KHDRBS3: variants seen among roughly 807,000 people sequenced by gnomAD.
KHDRBS3 encodes KH RNA binding domain containing, signal transduction associated 3, also known as KH domain-containing, RNA-binding, signal transduction-associated protein 3.
KHDRBS3 carries 23 observed loss-of-function variants against 45.6 expected under a neutral mutation model. The ratio of observed to expected loss-of-function variants is 0.50; its 90% CI spans 0.36 to 0.72. The LOEUF (loss-of-function observed/expected upper bound fraction) is 0.72, where lower values mean the gene tolerates loss of function less well. KHDRBS3 is among the 30% of genes least tolerant of loss of function. The pLI, the probability that KHDRBS3 is intolerant of heterozygous loss-of-function variation, is 0.00. For missense variants in KHDRBS3, 352 were observed against 424.8 expected (o/e 0.83, Z 1.51); for synonymous variants, 162 against 156.5 (o/e 1.04, Z -0.26).
chr8:135,474,738 A>G (rs1370580685), intron 1 of KHDRBS3, among the ~76,000 whole-genome samples: 4 of 152,244 alleles, frequency 2.6e-5, no homozygotes, highest in Non-Finnish European at 2.9e-5. Context: ...TTGAAATAAG[A>G]TGGAAAAACA....
chr8:135,482,712 A>G (rs1822645389), intron 1 of KHDRBS3, among the ~76,000 whole-genome samples: 3 of 152,114 alleles, frequency 2.0e-5, no homozygotes, highest in African/African-American at 7.2e-5. Context: ...GATAGAATGG[A>G]TATAAAATGG....
intron 1 of KHDRBS3, among the ~76,000 whole-genome samples, chr8:135,482,371 G>T (rs1563710939): frequency 6.6e-6 from 1 of 151,064 alleles, no homozygotes; most frequent in Non-Finnish European, 1.5e-5. Flanking sequence ...GTTGCCCTGG[G>T]AAATGGTAAA....
chr8:135,573,022 A>G (rs1305780860), intron 5 of KHDRBS3, among the ~76,000 whole-genome samples: 1 of 152,210 alleles, frequency 6.6e-6, no homozygotes, highest in Non-Finnish European at 1.5e-5. Flanking sequence ...TGCTTATTGT[A>G]TCAGGACACA....
At chr8:135,578,996 C>A (rs1476828681) in intron 5 of KHDRBS3, among the ~76,000 whole-genome samples, 2 of 152,048 alleles carry the variant, frequency 1.3e-5, no homozygotes, top group East Asian at 3.9e-4. Flanking sequence ...TTATTTATTG[C>A]TGGTATGTAG....
chr8:135,617,380 C>T (rs758638356), intron 7 of KHDRBS3, among the ~76,000 whole-genome samples: 20 of 152,004 alleles, frequency 1.3e-4, no homozygotes, highest in Non-Finnish European at 7.4e-5. Context: ...TAGGTTCAAG[C>T]GATTCTCCTG....
intron 1 of KHDRBS3, among the ~76,000 whole-genome samples, chr8:135,476,498 T>C (rs770593816): frequency 8.5e-5 from 13 of 152,138 alleles, no homozygotes; most frequent in Non-Finnish European, 1.9e-4. Context: ...CATTTGTTTT[T>C]CCCCCAAACA....
At chr8:135,553,785 T>G (rs1448195628) in intron 4 of KHDRBS3, among the ~76,000 whole-genome samples, 1 of 152,204 alleles carries the variant, frequency 6.6e-6, no homozygotes, top group Non-Finnish European at 1.5e-5. Flanking sequence ...AAGTCCTGCT[T>G]ACACATATTT....
intron 1 of KHDRBS3, among the ~76,000 whole-genome samples, chr8:135,516,990 G>A (rs985220703): frequency 1.3e-5 from 2 of 152,104 alleles, no homozygotes; most frequent in African/African-American, 2.4e-5. Context: ...TAGAATATTA[G>A]TGGACTTTAG....
At chr8:135,471,650 A>G (rs1822020653) in intron 1 of KHDRBS3, among the ~76,000 whole-genome samples, 2 of 152,312 alleles carry the variant, frequency 1.3e-5, no homozygotes, top group South Asian at 4.1e-4. Context: ...GACTCCTCAC[A>G]TAGTGGTAGA....
intron 7 of KHDRBS3, among the ~76,000 whole-genome samples, chr8:135,608,960 CA>C (rs991217821): frequency 1.3e-5 from 2 of 152,162 alleles, no homozygotes; most frequent in African/African-American, 4.8e-5. Flanking sequence ...GGTCACTTAC[CA>C]TGAATGCAGC....
chr8:135,569,358 G>A (rs1008640072), intron 5 of KHDRBS3, among the ~76,000 whole-genome samples: 8 of 152,264 alleles, frequency 5.3e-5, no homozygotes, highest in African/African-American at 1.9e-4. Flanking sequence ...AGAAAAACTA[G>A]TGTTAAATTG....
chr8:135,571,121 A>G (rs1334371136), intron 5 of KHDRBS3, among the ~76,000 whole-genome samples: 3 of 152,214 alleles, frequency 2.0e-5, no homozygotes, highest in Non-Finnish European at 4.4e-5. Flanking sequence ...CAGCTCAGCC[A>G]GCACTTTTAC....
chr8:135,557,771 A>G (rs1347423159), intron 5 of KHDRBS3, among the ~76,000 whole-genome samples, 184 bp downstream of exon 5: 1 of 152,150 alleles, frequency 6.6e-6, no homozygotes, highest in Non-Finnish European at 1.5e-5. Context: ...GTATGCTACG[A>G]TAGTGCCTGT....
intron 1 of KHDRBS3, among the ~76,000 whole-genome samples, chr8:135,503,763 C>G (rs1159434570): frequency 6.6e-6 from 1 of 152,106 alleles, no homozygotes; most frequent in Non-Finnish European, 1.5e-5. Flanking sequence ...TGTAATTTTA[C>G]CACGTCCATA....
chr8:135,484,647 T>C (rs951565986), intron 1 of KHDRBS3, among the ~76,000 whole-genome samples: 1 of 152,252 alleles, frequency 6.6e-6, no homozygotes, highest in African/African-American at 2.4e-5. Context: ...GTATGTTTGC[T>C]CATTACACAT....
intron 2 of KHDRBS3, chr8:135,540,425 A>T (rs1454691813): frequency 6.6e-6 from 1 of 152,224 alleles, no homozygotes; most frequent in Non-Finnish European, 1.5e-5. Flanking sequence ...GAAAGGTATA[A>T]GGAGTAGTTA....
chr8:135,466,907 C>T (rs1248095127), intron 1 of KHDRBS3, among the ~76,000 whole-genome samples: 4 of 152,202 alleles, frequency 2.6e-5, no homozygotes, highest in Non-Finnish European at 4.4e-5. Flanking sequence ...CTCACTGAGC[C>T]TCTATTCCCT....
chr8:135,577,900 G>T (rs67802124), intron 5 of KHDRBS3, among the ~76,000 whole-genome samples: 30,903 of 151,962 alleles, frequency 0.2, 3,699 homozygotes, highest in Middle Eastern at 0.28. Context: ...ACCAACAATT[G>T]GTATATTCAG....
intron 1 of KHDRBS3, among the ~76,000 whole-genome samples, chr8:135,490,115 G>T (rs192552018): frequency 6.6e-6 from 1 of 152,156 alleles, no homozygotes; most frequent in Non-Finnish European, 1.5e-5. Flanking sequence ...TGTAGCCTAG[G>T]TGTGTAGTGG....
Sources: gnomAD v4.1 joint callset for allele counts (sites outside exome capture counted in the v4.1 genomes callset) on GRCh38, gnomAD v4.1.1 for gene constraint, MANE v1.5 for transcripts, NCBI Gene and HGNC (gene_info 2026-07-23, HGNC 2026-07-21) for gene names.